The following UBA6 variants were observed in gnomAD, a reference collection of about 807,000 sequenced individuals.
UBA6 encodes the protein ubiquitin like modifier activating enzyme 6.
UBA6 carries 87 observed loss-of-function variants against 148.3 expected under a neutral mutation model. That is an observed-to-expected ratio of 0.59 (90% confidence interval 0.49 to 0.70). UBA6 has a LOEUF of 0.70. UBA6 is among the 30% of genes least tolerant of loss of function. The pLI is 0.00. For synonymous variants in UBA6, 376 were observed against 401.0 expected (o/e 0.94, Z 0.75); for missense variants, 1,186 against 1,241.2 (o/e 0.96, Z 0.67).
chr4:67,613,545 T>C lies in UBA6; in HGVS notation c.*5452A>G, dbSNP rs1728574881. 6.6e-6 allele frequency: 1 copy of C among 152,148 alleles called. No individual in the cohort carries two copies. Among genetic ancestry groups the C allele is most frequent in the African/African-American group, 2.4e-5 (1 of 41,438 alleles). 9.4% of individuals were successfully genotyped at this position (152,148 alleles called of 1,614,324 possible). A position where few individuals can be genotyped will look rare whatever the true frequency, so the allele number is the denominator to read the frequency against. On this transcript the variant is annotated 3_prime_UTR_variant, in exon 33 of 33. Coordinates refer to ENST00000322244, the MANE Select transcript of UBA6 (RefSeq NM_018227.6). ...AACTGAAAATACAAGGGGCTGAGAA[T>C]AACCAAGATACTCTAAAAGAACAAT...
intron 9 of UBA6, among the ~76,000 whole-genome samples, chr4:67,665,825 A>T (rs1399319840): frequency 1.3e-5 from 2 of 152,160 alleles, no homozygotes; most frequent in African/African-American, 4.8e-5. Context: ...TAGGTTTCAA[A>T]AAAGATGCTC....
At chr4:67,632,309 T>C (rs1184717221) in intron 23 of UBA6, among the ~76,000 whole-genome samples, 1 of 152,150 alleles carries the variant, frequency 6.6e-6, no homozygotes, top group Non-Finnish European at 1.5e-5. Flanking sequence ...AATTGATACA[T>C]GTTTGAGATT....
intron 17 of UBA6, among the ~76,000 whole-genome samples, chr4:67,643,307 TG>T (rs796674843): frequency 9.9e-5 from 15 of 152,170 alleles, no homozygotes; most frequent in African/African-American, 3.6e-4. Context: ...ATTCTTGTGG[TG>T]GTTCCCTTTC....
chr4:67,671,753 T>G (rs1055856910), intron 7 of UBA6, among the ~76,000 whole-genome samples: 2 of 152,164 alleles, frequency 1.3e-5, no homozygotes, highest in Non-Finnish European at 2.9e-5. Context: ...AAGAAACAAG[T>G]AGCTTTTTCC....
intron 9 of UBA6, among the ~76,000 whole-genome samples, chr4:67,667,470 C>T (rs1730033348): frequency 6.6e-6 from 1 of 151,874 alleles, no homozygotes; most frequent in Admixed American, 6.6e-5. Flanking sequence ...TATCTATAAA[C>T]AGTTTGTAAT....
intron 19 of UBA6, among the ~76,000 whole-genome samples, chr4:67,637,571 C>T: frequency 6.6e-6 from 1 of 152,112 alleles, no homozygotes; most frequent in Non-Finnish European, 1.5e-5. Context: ...ATACGAGACT[C>T]CATTTTGTTC....
intron 5 of UBA6, among the ~76,000 whole-genome samples, chr4:67,678,064 T>C (rs1730329571): frequency 6.9e-6 from 1 of 145,312 alleles, no homozygotes; most frequent in South Asian, 2.1e-4. Flanking sequence ...GTAATATATA[T>C]ATATCTTTTA....
At position 67,618,341 on chromosome 4, in the gene UBA6, A is replaced by G. The variant is rs925259909; in HGVS notation, c.*656T>C. 5.2e-5 allele frequency: 8 copies of G among 152,662 alleles called. No individual in the cohort carries two copies. Among genetic ancestry groups the G allele is most frequent in the African/African-American group, 1.7e-4 (7 of 41,466 alleles). The allele number at this position is 152,662 out of a possible 1,614,324, so 9.5% of individuals were successfully genotyped here. On this transcript the variant is annotated 3_prime_UTR_variant, in exon 33 of 33. Transcript: ENST00000322244. The stretch of plus-strand genomic sequence containing the variant: ...TACTGTTCACGTTTAGTCTAAGTTA[A>G]TATGTCTCATCTGACCTATTGCTCC...
intron 29 of UBA6, 66 bp from the exon 30 acceptor site, chr4:67,624,319 T>C (rs758540967): frequency 4.2e-5 from 61 of 1,461,348 alleles, no homozygotes; most frequent in Non-Finnish European, 5.3e-5. Flanking sequence ...TAATTGCATC[T>C]ATTCAACTTT....
At chr4:67,672,657 T>C (rs1489584143) in intron 7 of UBA6, among the ~76,000 whole-genome samples, 1 of 152,166 alleles carries the variant, frequency 6.6e-6, no homozygotes. Context: ...CCTACTATCC[T>C]CTCCTCTTTA....
Position 67,613,918 on chromosome 4 carries a change from T to G in UBA6, c.*5079A>C, listed in dbSNP as rs967358211. The G allele has an allele frequency of 6.6e-6, 1 of 152,162 alleles. No individual in the cohort carries two copies. The highest frequency in any genetic ancestry group is 2.4e-5 in the African/African-American group (1 of 41,456). 9.4% of individuals were successfully genotyped at this position (152,162 alleles called of 1,614,324 possible). On this transcript the variant is annotated 3_prime_UTR_variant, in exon 33 of 33. Coordinates refer to ENST00000322244, the MANE Select transcript of UBA6 (RefSeq NM_018227.6). ...AATGGCCCTGCAAAGCCATCCCTTG[T>G]GGGAAAAATCTACATTCTATAAAGA...
intron 1 of UBA6, among the ~76,000 whole-genome samples, chr4:67,700,704 C>T (rs1020984812): frequency 2.0e-5 from 3 of 152,110 alleles, no homozygotes; most frequent in Admixed American, 6.5e-5. Context: ...TGCTTGGCAC[C>T]AGTCGGGGAA....
At chr4:67,651,592 GTATGAAAACTACAGAAAAAATATGAAACA>G (rs1347845881) in intron 13 of UBA6, among the ~76,000 whole-genome samples, 1 of 152,054 alleles carries the variant, frequency 6.6e-6, no homozygotes, top group African/African-American at 2.4e-5. Context: ...AAGCTTACAA[GTATGAAAACTACAGAAAAAATATGAAACA>G]TATAAAAACT....
intron 7 of UBA6, among the ~76,000 whole-genome samples, chr4:67,672,585 G>T (rs924723416): frequency 6.6e-6 from 1 of 152,126 alleles, no homozygotes; most frequent in African/African-American, 2.4e-5. Context: ...TGTCTTCGAA[G>T]ATCTTGTAAC....
At chr4:67,689,910 C>T (rs1024224059) in intron 2 of UBA6, among the ~76,000 whole-genome samples, 32 of 152,040 alleles carry the variant, frequency 2.1e-4, no homozygotes, top group Admixed American at 2.1e-3. Context: ...CTTAGAAAAG[C>T]TCATGGTCTG....
At position 67,665,243 on chromosome 4, in the gene UBA6, T is replaced by C. The variant is rs771734750; in HGVS notation, c.843A>G (p.Pro281=). 1.8e-5 allele frequency: 29 copies of C among 1,607,480 alleles called. No homozygotes were observed. The highest frequency in any genetic ancestry group is 2.5e-5 in the Non-Finnish European group (29 of 1,178,130). ...GGACAGCTATGCCTCCATGTAAATA[T>C]GGTTCCAGTTCTGTGGTGTCACCAA... ...FSIGDTTELE[P]YLHGGIAVQV... Residue 281 remains proline (P), a synonymous_variant, in exon 10 of 33, where the codon CCA becomes CCG. Transcript: ENST00000322244.
intron 19 of UBA6, among the ~76,000 whole-genome samples, chr4:67,636,528 AT>A (rs1250572553): frequency 6.6e-5 from 10 of 152,110 alleles, no homozygotes; most frequent in African/African-American, 2.2e-4. Context: ...AGTGCCTGCG[AT>A]TGCAGGCGCG....
In UBA6 at chr4:67,677,323, G is replaced by T. The variant is rs563112962; in HGVS notation, c.465+288C>A. Among the ~76,000 whole-genome samples, 61 of 152,236 alleles carry T rather than the reference G, an allele frequency of 4.0e-4. No homozygotes were observed. The South Asian group carries it at 0.013, about 32-fold the overall frequency. On this transcript the variant is annotated intron_variant, in intron 6 of 32. Transcript: ENST00000322244. ...TAGAAACCCCAACTGACATATTCAG[G>T]TACACAGGAAAGAAATAAATGCATG...
chr4:67,669,527 A>C (rs1488778842), intron 8 of UBA6, among the ~76,000 whole-genome samples: 3 of 152,180 alleles, frequency 2.0e-5, no homozygotes, highest in African/African-American at 7.2e-5. Context: ...CTTCAATGTA[A>C]GTTGATTACA....
Sources: gnomAD v4.1 joint callset for allele counts (sites outside exome capture counted in the v4.1 genomes callset) on GRCh38, gnomAD v4.1.1 for gene constraint, MANE v1.5 for transcripts, NCBI Gene and HGNC (gene_info 2026-07-23, HGNC 2026-07-21) for gene names.